The following KANSL1 variants were observed in gnomAD, a reference collection of about 807,000 sequenced individuals.
The protein encoded by KANSL1 is MLL1/MLL complex subunit KANSL1.
In KANSL1, 22 loss-of-function variants were observed where a neutral mutation model predicts 103.6. The ratio of observed to expected loss-of-function variants is 0.21; its 90% CI spans 0.15 to 0.30. The LOEUF (loss-of-function observed/expected upper bound fraction) is 0.30, where lower values mean the gene tolerates loss of function less well. Among genes scored for constraint, KANSL1 ranks in the 10% least tolerant of loss-of-function variants. The pLI, the probability that KANSL1 is intolerant of heterozygous loss-of-function variation, is 1.00. For missense variants in KANSL1, 1,337 were observed against 1,399.8 expected (o/e 0.96, Z 0.72); for synonymous variants, 600 against 527.6 (o/e 1.14, Z -1.88).
At chr17:46,189,670 G>T (rs754320456) in intron 1 of KANSL1, among the ~76,000 whole-genome samples, 2 of 152,104 alleles carry the variant, frequency 1.3e-5, no homozygotes, top group African/African-American at 2.4e-5. Flanking sequence ...GATCACTTGA[G>T]GTCAGGAGTT....
At chr17:46,033,270 C>A in intron 12 of KANSL1, 78 bp from the exon 13 acceptor site, 1 of 1,434,160 alleles carries the variant, frequency 7.0e-7, no homozygotes, top group East Asian at 2.4e-5. Flanking sequence ...TAGGTTCTTC[C>A]CGGTCACGAC....
intron 2 of KANSL1, among the ~76,000 whole-genome samples, chr17:46,125,960 A>G (rs1251324333): frequency 6.6e-6 from 1 of 152,206 alleles, no homozygotes; most frequent in South Asian, 2.1e-4. Context: ...TAAAGCAAAT[A>G]TTGTTATTTC....
chr17:46,064,861 A>G (rs2078316432), intron 6 of KANSL1, among the ~76,000 whole-genome samples: 1 of 146,704 alleles, frequency 6.8e-6, no homozygotes, highest in East Asian at 1.9e-4. Context: ...TTCTCTCTCC[A>G]GGATTTTTTT....
chr17:46,094,418 C>A (rs762229193), intron 3 of KANSL1, 142 bp downstream of exon 3: 419 of 1,040,250 alleles, frequency 4.0e-4, no homozygotes, highest in Middle Eastern at 3.6e-3. Context: ...TTAAATTAAA[C>A]CACTATATCA....
intron 6 of KANSL1, among the ~76,000 whole-genome samples, chr17:46,062,200 C>T (rs568825253): frequency 2.6e-4 from 37 of 145,062 alleles, no homozygotes; most frequent in African/African-American, 9.0e-4. Context: ...AAATTTAAAA[C>T]TTATAGACTG....
Position 46,032,190 on chromosome 17 carries a change from A to T in KANSL1, c.2947T>A (p.Tyr983Asn). The T allele has an allele frequency of 6.2e-7, 1 of 1,610,100 alleles. No individual in the cohort carries two copies. Among genetic ancestry groups the T allele is most frequent in the Non-Finnish European group, 8.5e-7 (1 of 1,177,272 alleles). ...DVSSSHSLSE[Y>N]SHGQSPRSPI... ...CTCCTAGGGGACTGACCATGGGAGT[A>T]TTCTGACAAAGAGTGGCTACTGCTG... is the stretch of plus-strand genomic sequence containing the variant. The change falls in exon 14 of 15, where the codon TAC becomes AAC. Residue 983 changes from tyrosine (Y) to asparagine (N), a missense_variant. Transcript: ENST00000432791.
Position 46,034,549 on chromosome 17 carries a change from A to G in KANSL1, c.2542-264T>C, listed in dbSNP as rs1374577474. On this transcript the variant is annotated intron_variant, in intron 10 of 14. Coordinates refer to ENST00000432791, the MANE Select transcript of KANSL1 (RefSeq NM_015443.4). Reference sequence around the variant, plus strand: ...CTCTTCCTTCAAGGGCTCATGCGTAAATTTCATAGGGGTGGGTACCTGGGA... The same window carrying G: ...CTCTTCCTTCAAGGGCTCATGCGTAGATTTCATAGGGGTGGGTACCTGGGA... 1.3e-5 allele frequency: 5 copies of G among 386,782 alleles called. No individual in the cohort carries two copies. The East Asian group carries it at 2.0e-4, about 15-fold the overall frequency. 24.0% of individuals were successfully genotyped at this position (386,782 alleles called of 1,614,324 possible).
intron 2 of KANSL1, among the ~76,000 whole-genome samples, chr17:46,155,348 G>A (rs966436064): frequency 6.6e-6 from 1 of 152,102 alleles, no homozygotes; most frequent in African/African-American, 2.4e-5. Flanking sequence ...AGTAGAGACA[G>A]GATTTCGCCA....
chr17:46,175,091 C>G (rs2046455314), intron 1 of KANSL1, among the ~76,000 whole-genome samples: 1 of 152,236 alleles, frequency 6.6e-6, no homozygotes, highest in African/African-American at 2.4e-5. Context: ...GGACTAAGCA[C>G]CCCCCTCCCT....
intron 2 of KANSL1, among the ~76,000 whole-genome samples, chr17:46,156,219 T>C (rs921098376): frequency 6.6e-6 from 1 of 152,200 alleles, no homozygotes; most frequent in Non-Finnish European, 1.5e-5. Context: ...TGGTAGTTCA[T>C]GCCTGTAATC....
chr17:46,096,311 C>CTT lies in KANSL1; in HGVS notation c.1290-1612_1290-1611dup, dbSNP rs71138525. Among the ~76,000 whole-genome samples the CTT allele has an allele frequency of 8.3e-3, 632 of 76,298 alleles. 21 individuals carry two copies. The highest frequency in any genetic ancestry group is 0.024 in the African/African-American group (436 of 17,820). 50.1% of individuals were successfully genotyped at this position (76,298 alleles called of 152,430 possible). ...CATACTACATACCTGGCTTTTTTTT[C>CTT]TTTTTTTTTTTTTTTTTTTTTGAGA... On this transcript the variant is annotated intron_variant, in intron 2 of 14. Coordinates refer to ENST00000432791, the MANE Select transcript of KANSL1 (RefSeq NM_015443.4).
chr17:46,036,724 CTT>C (rs67718920), intron 10 of KANSL1, among the ~76,000 whole-genome samples: 20 of 145,630 alleles, frequency 1.4e-4, no homozygotes, highest in Non-Finnish European at 2.3e-4. Context: ...TATCTTCTTT[CTT>C]TTTTTTTTTT....
chr17:46,108,680 G>A lies in KANSL1; in HGVS notation c.1290-13979C>T, dbSNP rs558523200. The stretch of plus-strand genomic sequence containing the variant: ...GAAGGAAGGAAGCAGGAAGAGAGAG[G>A]GAATGAGGGTAACAGGCTGGAACTA... On this transcript the variant is annotated intron_variant, in intron 2 of 14. Coordinates refer to ENST00000432791, the MANE Select transcript of KANSL1 (RefSeq NM_015443.4). 2.0e-4 allele frequency among the ~76,000 whole-genome samples: 31 copies of A among 152,260 alleles called. No homozygotes were observed. The South Asian group carries it at 5.6e-3, about 28-fold the overall frequency.
At position 46,034,199 on chromosome 17, in the gene KANSL1, G is replaced by T. The variant is rs149756887; in HGVS notation, c.2628C>A (p.Arg876=). ...VIPMSVAATT[R]VEKLQYKEIL... ...TTTCCTTGTATTGCAGTTTCTCTAC[G>T]CGAGTTGTTGCAGCAACAGACATTG... The change falls in exon 11 of 15, where the codon CGC becomes CGA. Residue 876 remains arginine, a synonymous_variant. Transcript: ENST00000432791. 1.1e-5 allele frequency: 17 copies of T among 1,614,134 alleles called. No homozygotes were observed. Among genetic ancestry groups the T allele is most frequent in the Non-Finnish European group, 1.4e-5 (17 of 1,179,984 alleles).
chr17:46,207,217 GAA>G (rs1372402476), intron 1 of KANSL1, among the ~76,000 whole-genome samples: 1 of 152,208 alleles, frequency 6.6e-6, no homozygotes, highest in African/African-American at 2.4e-5. Context: ...TGAAGTTCCA[GAA>G]ACTATGATTG....
chr17:46,217,842 T>C (rs2048389425), intron 1 of KANSL1, among the ~76,000 whole-genome samples: 1 of 152,176 alleles, frequency 6.6e-6, no homozygotes, highest in Non-Finnish European at 1.5e-5. Flanking sequence ...CTGGGCAACA[T>C]GGTGAAACCC....
rs55934305 is a variant in KANSL1, at chr17:46,189,906, C to CAAAAAAA, written c.-90+2910_-90+2916dup. 2.1e-4 allele frequency among the ~76,000 whole-genome samples: 24 copies of CAAAAAAA among 112,446 alleles called. 2 individuals are homozygous for CAAAAAAA. Among genetic ancestry groups the CAAAAAAA allele is most frequent in the Non-Finnish European group, 3.7e-4 (21 of 56,406 alleles). 73.8% of individuals were successfully genotyped at this position (112,446 alleles called of 152,430 possible). Reference sequence around the variant, plus strand: ...TGGGCGACAGAACGAGACCCTGCCTCAAAAAAAAAAAAAAAAAAAATTGCT... The same window carrying CAAAAAAA: ...TGGGCGACAGAACGAGACCCTGCCTCAAAAAAAAAAAAAAAAAAAAAAAAAAATTGCT... On this transcript the variant is annotated intron_variant, in intron 1 of 14. Coordinates refer to ENST00000432791, the MANE Select transcript of KANSL1 (RefSeq NM_015443.4).
At chr17:46,207,113 T>TA (rs1165060257) in intron 1 of KANSL1, among the ~76,000 whole-genome samples, 30 of 150,934 alleles carry the variant, frequency 2.0e-4, no homozygotes, top group South Asian at 4.2e-4. Context: ...TTAATAATAA[T>TA]AAAAAAAAAC....
At chr17:46,113,131 A>G (rs2042894914) in intron 2 of KANSL1, among the ~76,000 whole-genome samples, 1 of 152,106 alleles carries the variant, frequency 6.6e-6, no homozygotes, top group Non-Finnish European at 1.5e-5. Flanking sequence ...GGGTGGGGGG[A>G]TGGTACTTGG....
Sources: allele counts gnomAD v4.1 joint callset (sites outside exome capture counted in the v4.1 genomes callset), GRCh38; gene constraint gnomAD v4.1.1; transcripts MANE v1.5; gene names NCBI Gene and HGNC (gene_info 2026-07-23, HGNC 2026-07-21).